Variants in HECTD2 observed in about 807,000 individuals in gnomAD.
HECTD2 encodes probable E3 ubiquitin-protein ligase HECTD2.
A neutral mutation model predicts 103.2 loss-of-function variants in HECTD2; 35 were observed. The observed-to-expected ratio is 0.34, with a 90% CI of 0.26 to 0.45. HECTD2 has a LOEUF of 0.45. Ranked by LOEUF, HECTD2 falls within the 20% of genes least tolerant of loss-of-function variation. HECTD2 has a pLI of 1.00. For missense variants in HECTD2, 596 were observed against 937.4 expected (o/e 0.64, Z 4.76); for synonymous variants, 281 against 329.9 (o/e 0.85, Z 1.61).
At chr10:91,422,252 A>C (rs797022277) in intron 1 of HECTD2, among the ~76,000 whole-genome samples, 1 of 152,066 alleles carries the variant, frequency 6.6e-6, no homozygotes, top group Non-Finnish European at 1.5e-5. Flanking sequence ...TTCTGATTCT[A>C]TATTCCAACT....
chr10:91,417,434 A>C (rs937718203), intron 1 of HECTD2, among the ~76,000 whole-genome samples: 20 of 151,690 alleles, frequency 1.3e-4, no homozygotes, highest in Non-Finnish European at 2.9e-5. Context: ...GTTCTGTTAC[A>C]TATGTATACA....
chr10:91,416,562 T>G (rs1253336603), intron 1 of HECTD2, among the ~76,000 whole-genome samples: 1 of 143,790 alleles, frequency 7.0e-6, no homozygotes, highest in Admixed American at 6.6e-5. Context: ...AGCTGTACTA[T>G]CTAGATTTGT....
At chr10:91,490,050 A>C (rs1846409870) in intron 11 of HECTD2, 1 of 152,098 alleles carries the variant, frequency 6.6e-6, no homozygotes, top group Non-Finnish European at 1.5e-5. Flanking sequence ...TTTTTTACCT[A>C]TTCAGTGCTT....
chr10:91,458,909 T>A (rs1253230205), intron 2 of HECTD2, among the ~76,000 whole-genome samples: 2 of 151,990 alleles, frequency 1.3e-5, no homozygotes, highest in Non-Finnish European at 2.9e-5. Flanking sequence ...AGTTTTGCTC[T>A]GAGAAAGACC....
At chr10:91,433,760 A>C (rs1843996509) in intron 2 of HECTD2, among the ~76,000 whole-genome samples, 1 of 151,892 alleles carries the variant, frequency 6.6e-6, no homozygotes, top group Non-Finnish European at 1.5e-5. Flanking sequence ...TTGAGTTTGA[A>C]TCCATCTGTT....
intron 2 of HECTD2, among the ~76,000 whole-genome samples, chr10:91,440,162 TA>T (rs1335546472): frequency 6.6e-6 from 1 of 150,746 alleles, no homozygotes; most frequent in African/African-American, 2.5e-5. Flanking sequence ...GTGTCAGTTT[TA>T]AAAGGGAATG....
Position 91,432,860 on chromosome 10 carries a change from A to G in HECTD2, c.268+7450A>G, listed in dbSNP as rs1027540426. On this transcript the variant is annotated intron_variant, in intron 2 of 20. Coordinates refer to ENST00000298068, the MANE Select transcript of HECTD2 (RefSeq NM_182765.6). ...CATACTGTGATCTTTGTCACCCTGA[A>G]ATAGCCAGGGAAGAACAAGTGGTCT... 2.6e-5 allele frequency among the ~76,000 whole-genome samples: 4 copies of G among 151,936 alleles called. No individual in the cohort carries two copies. The East Asian group carries it at 7.8e-4, about 29-fold the overall frequency.
intron 5 of HECTD2, among the ~76,000 whole-genome samples, chr10:91,472,721 G>C (rs1232551494): frequency 1.3e-5 from 2 of 152,212 alleles, no homozygotes; most frequent in Admixed American, 6.5e-5. Flanking sequence ...CTGATCATTA[G>C]AGAATTGCAA....
intron 2 of HECTD2, among the ~76,000 whole-genome samples, chr10:91,449,515 A>G (rs577836897): frequency 1.3e-5 from 2 of 152,240 alleles, no homozygotes; most frequent in African/African-American, 4.8e-5. Flanking sequence ...TACTACTCCT[A>G]TAAACATATT....
chr10:91,422,951 T>C (rs1419748777), intron 1 of HECTD2, among the ~76,000 whole-genome samples: 1 of 152,184 alleles, frequency 6.6e-6, no homozygotes, highest in African/African-American at 2.4e-5. Flanking sequence ...AAAATGTTAG[T>C]CTTTCCTAGA....
intron 19 of HECTD2, 152 bp from the exon 20 acceptor site, chr10:91,501,039 G>A (rs544199543): frequency 3.5e-5 from 21 of 600,132 alleles, no homozygotes; most frequent in Non-Finnish European, 4.9e-5. Flanking sequence ...AGTCTAATAC[G>A]TATATAGAAG....
intron 1 of HECTD2, among the ~76,000 whole-genome samples, chr10:91,423,985 G>C (rs952362974): frequency 6.6e-6 from 1 of 152,146 alleles, no homozygotes; most frequent in African/African-American, 2.4e-5. Flanking sequence ...CTATTCTGCA[G>C]TTACAAATTA....
intron 5 of HECTD2, among the ~76,000 whole-genome samples, chr10:91,464,215 AG>A: frequency 6.6e-6 from 1 of 152,334 alleles, no homozygotes; most frequent in South Asian, 2.1e-4. Context: ...TAATCTACAA[AG>A]GCCAGAATGA....
At chr10:91,496,162 C>A in intron 14 of HECTD2, 52 bp from the exon 15 acceptor site, 1 of 1,316,416 alleles carries the variant, frequency 7.6e-7, no homozygotes, top group Non-Finnish European at 1.0e-6. Context: ...TAATTCAGAA[C>A]TCATTTGTTG....
At chr10:91,440,180 G>A (rs1844341425) in intron 2 of HECTD2, among the ~76,000 whole-genome samples, 1 of 152,038 alleles carries the variant, frequency 6.6e-6, no homozygotes. Flanking sequence ...AATGCTTCCA[G>A]CTTTTGCCCA....
intron 1 of HECTD2, among the ~76,000 whole-genome samples, chr10:91,415,674 G>C (rs1036914407): frequency 6.6e-6 from 1 of 152,110 alleles, no homozygotes. Context: ...CGACATTTGC[G>C]GTCATAGGTA....
intron 5 of HECTD2, 100 bp from the exon 6 acceptor site, chr10:91,478,101 C>A: frequency 1.3e-6 from 1 of 777,762 alleles, no homozygotes; most frequent in South Asian, 1.6e-5. Context: ...GTCATCAAGT[C>A]TGATTTTAAC....
chr10:91,423,751 A>G (rs529849460), intron 1 of HECTD2, among the ~76,000 whole-genome samples: 27 of 152,236 alleles, frequency 1.8e-4, no homozygotes, highest in African/African-American at 6.3e-4. Context: ...GGGCTCTTTT[A>G]TATTAATTTC....
upstream of HECTD2, among the ~76,000 whole-genome samples, chr10:91,409,895 C>A (rs1465254585): frequency 6.6e-6 from 1 of 152,142 alleles, no homozygotes; most frequent in Admixed American, 6.5e-5. Flanking sequence ...GCGCCGCAGG[C>A]CAGGGCCGTC....
Sources: gnomAD v4.1 joint callset for allele counts (sites outside exome capture counted in the v4.1 genomes callset) on GRCh38, gnomAD v4.1.1 for gene constraint, MANE v1.5 for transcripts, NCBI Gene and HGNC (gene_info 2026-07-23, HGNC 2026-07-21) for gene names.